PHACTR1: variants seen among roughly 807,000 people sequenced by gnomAD.
PHACTR1 encodes the protein RPEL repeat containing 1.
In PHACTR1, 16 loss-of-function variants were observed where a neutral mutation model predicts 69.2. The ratio of observed to expected loss-of-function variants is 0.23; its 90% confidence interval spans 0.16 to 0.35. The LOEUF (loss-of-function observed/expected upper bound fraction) is 0.35, where lower values mean the gene tolerates loss of function less well. Ranked by LOEUF, PHACTR1 falls within the 10% of genes least tolerant of loss-of-function variation. The pLI, the probability that PHACTR1 is intolerant of heterozygous loss-of-function variation, is 1.00. For missense variants in PHACTR1, 510 were observed against 734.7 expected (o/e 0.69, Z 3.54); for synonymous variants, 312 against 284.5 (o/e 1.10, Z -0.97).
intron 10 of PHACTR1, among the ~76,000 whole-genome samples, chr6:13,263,409 C>G (rs745895608): frequency 6.7e-6 from 1 of 149,612 alleles, no homozygotes; most frequent in Non-Finnish European, 1.5e-5. Context: ...ACATACAGCA[C>G]TTGATAGCAT....
At chr6:12,850,781 T>C (rs1239509141) in intron 4 of PHACTR1, among the ~76,000 whole-genome samples, 3 of 152,182 alleles carry the variant, frequency 2.0e-5, no homozygotes, top group Admixed American at 2.0e-4. Flanking sequence ...TGGCTGTCTT[T>C]TCCCTGTGTG....
At chr6:12,733,750 G>C (rs1416833953) in intron 3 of PHACTR1, among the ~76,000 whole-genome samples, 1 of 152,164 alleles carries the variant, frequency 6.6e-6, no homozygotes, top group Non-Finnish European at 1.5e-5. Flanking sequence ...ATATGTCCAA[G>C]TATATATCAC....
chr6:12,753,323 A>G, intron 4 of PHACTR1, among the ~76,000 whole-genome samples: 1 of 152,172 alleles, frequency 6.6e-6, no homozygotes, highest in East Asian at 1.9e-4. Context: ...AGTGTATTCT[A>G]TTTATCTTTA....
At chr6:13,230,555 A>AC (rs1414884388) in intron 10 of PHACTR1, among the ~76,000 whole-genome samples, 1 of 151,798 alleles carries the variant, frequency 6.6e-6, no homozygotes, top group Non-Finnish European at 1.5e-5. Context: ...CAAAAAAAAA[A>AC]AAAAAAAAAA....
At chr6:12,843,494 CAGAT>C (rs1255858346) in intron 4 of PHACTR1, among the ~76,000 whole-genome samples, 1 of 152,138 alleles carries the variant, frequency 6.6e-6, no homozygotes, top group Non-Finnish European at 1.5e-5. Flanking sequence ...AATAGATAAA[CAGAT>C]AGAAAGATTG....
At chr6:13,024,878 A>G (rs1257900616) in intron 4 of PHACTR1, among the ~76,000 whole-genome samples, 1 of 152,200 alleles carries the variant, frequency 6.6e-6, no homozygotes, top group Non-Finnish European at 1.5e-5. Flanking sequence ...ATCAATGCAG[A>G]TTCCTGTGGT....
intron 5 of PHACTR1, among the ~76,000 whole-genome samples, chr6:13,133,574 G>C (rs2127974559): frequency 6.6e-6 from 1 of 152,308 alleles, no homozygotes; most frequent in African/African-American, 2.4e-5. Flanking sequence ...CGGGATTGCA[G>C]ACGGAGTCTC....
At chr6:13,172,942 T>C (rs1444605571) in intron 6 of PHACTR1, among the ~76,000 whole-genome samples, 1 of 152,252 alleles carries the variant, frequency 6.6e-6, no homozygotes, top group East Asian at 1.9e-4. Flanking sequence ...ATCACGGCTC[T>C]TGCCAGATTG....
chr6:12,854,101 G>A (rs952097427), intron 4 of PHACTR1, among the ~76,000 whole-genome samples: 3 of 152,102 alleles, frequency 2.0e-5, no homozygotes, highest in African/African-American at 4.8e-5. Context: ...GAAGCAAAAC[G>A]TAACCTAGAG....
intron 10 of PHACTR1, among the ~76,000 whole-genome samples, chr6:13,263,281 G>A (rs1380175340): frequency 1.6e-3 from 66 of 40,468 alleles, no homozygotes; most frequent in Admixed American, 2.0e-3. Flanking sequence ...CATGCAAAAA[G>A]AAAACTTCAA....
intron 7 of PHACTR1, among the ~76,000 whole-genome samples, chr6:13,201,007 A>G (rs144256575): frequency 1.5e-3 from 230 of 152,244 alleles, no homozygotes; most frequent in Non-Finnish European, 1.3e-3. Context: ...CCCAACCTAG[A>G]ATCCCTGAGA....
intron 4 of PHACTR1, among the ~76,000 whole-genome samples, chr6:12,847,812 C>T (rs1779435944): frequency 6.6e-6 from 1 of 151,964 alleles, no homozygotes; most frequent in African/African-American, 2.4e-5. Context: ...TGAGATGTTT[C>T]CATCCAAAAT....
At chr6:12,820,026 A>G (rs951387521) in intron 4 of PHACTR1, among the ~76,000 whole-genome samples, 2 of 152,226 alleles carry the variant, frequency 1.3e-5, no homozygotes, top group African/African-American at 4.8e-5. Context: ...ACTTGATTCA[A>G]GCATGGGAGA....
chr6:13,057,817 C>G (rs1043331766), intron 5 of PHACTR1, among the ~76,000 whole-genome samples: 2 of 152,196 alleles, frequency 1.3e-5, no homozygotes, highest in African/African-American at 2.4e-5. Context: ...GAATGCTACT[C>G]TTACATCCTT....
intron 4 of PHACTR1, among the ~76,000 whole-genome samples, chr6:12,836,955 C>T (rs1561930941): frequency 6.6e-6 from 1 of 152,138 alleles, no homozygotes; most frequent in South Asian, 2.1e-4. Flanking sequence ...CAATCAATGA[C>T]CTCAATTTTC....
intron 12 of PHACTR1, chr6:13,280,808 A>G (rs1225427043): frequency 2.1e-6 from 1 of 484,062 alleles, no homozygotes; most frequent in Non-Finnish European, 3.4e-6. Context: ...CTTTGGCTGC[A>G]AAGATTATTT....
intron 4 of PHACTR1, among the ~76,000 whole-genome samples, chr6:12,836,391 T>C (rs1446803364): frequency 6.6e-6 from 1 of 152,186 alleles, no homozygotes; most frequent in African/African-American, 2.4e-5. Context: ...GAAATCAAAG[T>C]CAAAACCTTG....
chr6:13,094,149 G>A (rs758497723), intron 5 of PHACTR1, among the ~76,000 whole-genome samples: 5 of 152,096 alleles, frequency 3.3e-5, no homozygotes, highest in Non-Finnish European at 7.4e-5. Flanking sequence ...CCAAAGTGCT[G>A]GGATTACAGG....
chr6:12,732,318 G>T (rs1051289281), intron 3 of PHACTR1, among the ~76,000 whole-genome samples: 1 of 149,636 alleles, frequency 6.7e-6, no homozygotes, highest in African/African-American at 2.5e-5. Flanking sequence ...ATTTTTTTTG[G>T]GGGTGCTGTT....
Sources: allele counts gnomAD v4.1 joint callset (sites outside exome capture counted in the v4.1 genomes callset), GRCh38; gene constraint gnomAD v4.1.1; transcripts MANE v1.5; gene names NCBI Gene and HGNC (gene_info 2026-07-23, HGNC 2026-07-21).